ZNF212: variants seen among roughly 807,000 people sequenced by gnomAD.
ZNF212 encodes the protein Zinc finger protein C2H2-150.
In ZNF212, 32 loss-of-function variants were observed where a neutral mutation model predicts 47.3. The ratio of observed to expected loss-of-function variants is 0.68; its 90% CI spans 0.51 to 0.91. The LOEUF (loss-of-function observed/expected upper bound fraction) is 0.91, where lower values mean the gene tolerates loss of function less well. Ranked by LOEUF, ZNF212 falls within the 40% of genes least tolerant of loss-of-function variation. The pLI is 0.00. For missense variants in ZNF212, 555 were observed against 622.8 expected, an observed-to-expected ratio of 0.89 and a Z score of 1.16; for synonymous variants, 242 against 253.8, an observed-to-expected ratio of 0.95 and a Z score of 0.44.
intron 1 of ZNF212, among the ~76,000 whole-genome samples, chr7:149,246,796 C>A (rs1023158607): frequency 3.3e-5 from 5 of 149,376 alleles, no homozygotes; most frequent in Non-Finnish European, 7.4e-5. Context: ...ACAAATGTAG[C>A]CTTTTGTGTC....
Position 149,239,886 on chromosome 7 carries a change from C to A in ZNF212, c.24+84C>A, listed in dbSNP as rs1304678688. 6 of 1,251,978 alleles carry A rather than the reference C, an allele frequency of 4.8e-6. No individual in the cohort carries two copies. In the Middle Eastern group the frequency reaches 6.2e-4, roughly 130 times the overall value. The allele number at this position is 1,251,978 out of a possible 1,614,324, so 77.6% of individuals were successfully genotyped here. A position where few individuals can be genotyped will look rare whatever the true frequency, so the allele number is the denominator to read the frequency against. ...CGGGGGCGGGGCTTCGCGGTTTGGA[C>A]GCCGCCGGGGTCTTGGTTTCCCGGG... On this transcript the variant is annotated intron_variant, in intron 1 of 4. Transcript: ENST00000335870.
intron 1 of ZNF212, chr7:149,240,084 C>T (rs1172616159): frequency 5.2e-6 from 2 of 384,342 alleles, no homozygotes; most frequent in Non-Finnish European, 9.2e-6. Context: ...CCTGCCCACA[C>T]ATTTTCTCTT....
chr7:149,244,026 C>G (rs1232596499), intron 1 of ZNF212, among the ~76,000 whole-genome samples: 1 of 152,186 alleles, frequency 6.6e-6, no homozygotes, highest in Non-Finnish European at 1.5e-5. Context: ...ACCTCTGCCT[C>G]CCAGTTTCAA....
intron 3 of ZNF212, among the ~76,000 whole-genome samples, chr7:149,252,157 T>C (rs769137787): frequency 1.6e-4 from 25 of 152,174 alleles, no homozygotes; most frequent in Non-Finnish European, 2.6e-4. Context: ...ATAAATGTGT[T>C]TTGTTTGGTA....
intron 1 of ZNF212, among the ~76,000 whole-genome samples, chr7:149,242,918 A>G (rs1796614299): frequency 6.6e-6 from 1 of 152,228 alleles, no homozygotes. Flanking sequence ...ATAATGGAAT[A>G]AGAAAAAATT....
At chr7:149,240,561 T>A (rs1386634797) in intron 1 of ZNF212, among the ~76,000 whole-genome samples, 1 of 152,210 alleles carries the variant, frequency 6.6e-6, no homozygotes, top group Non-Finnish European at 1.5e-5. Flanking sequence ...TTCTTAACTG[T>A]AAATCGAGAG....
chr7:149,252,704 A>C lies in ZNF212; in HGVS notation c.542-2A>C, dbSNP rs752014551. On this transcript the variant is annotated splice_acceptor_variant, in intron 3 of 4. Coordinates refer to ENST00000335870, the MANE Select transcript of ZNF212 (RefSeq NM_012256.4). LOFTEE classifies it high-confidence loss of function. ...GCTCACACTGTGCTGTTTCCCACCC[A>C]GAGGTCCTTGGCCAGACAGAGGGAG... 1 of 1,614,042 alleles carries C rather than the reference A, an allele frequency of 6.2e-7. No individual in the cohort carries two copies. The highest frequency in any genetic ancestry group is 8.5e-7 in the Non-Finnish European group (1 of 1,179,994).
rs773874417 is a variant in ZNF212, at chr7:149,250,704, T to C, written c.438T>C (p.Asp146=). The C allele has an allele frequency of 8.7e-6, 14 of 1,614,122 alleles. No homozygotes were observed. Among genetic ancestry groups the C allele is most frequent in the Non-Finnish European group, 1.2e-5 (14 of 1,180,054 alleles). The change falls in exon 3 of 5, where the codon GAT becomes GAC. Residue 146 remains aspartate (D), a synonymous_variant. Coordinates refer to ENST00000335870, the MANE Select transcript of ZNF212 (RefSeq NM_012256.4). ...APKVSRSLEN[D]GVCFTEQEWE... is the part of the protein sequence containing the mutation. The stretch of plus-strand genomic sequence containing the variant: ...AGGTGTCCAGGTCACTGGAGAATGA[T>C]GGCGTCTGTTTCACCGAGCAGGAAT...
In ZNF212 at chr7:149,254,538, C is replaced by T; in HGVS notation, c.*123C>T. The T allele has an allele frequency of 7.2e-7, 1 of 1,388,336 alleles. No individual in the cohort carries two copies. Among genetic ancestry groups the T allele is most frequent in the East Asian group, 2.5e-5 (1 of 40,176 alleles). The allele number at this position is 1,388,336 out of a possible 1,614,324, so 86.0% of individuals were successfully genotyped here. On this transcript the variant is annotated 3_prime_UTR_variant, in exon 5 of 5. Transcript: ENST00000335870. This position sits in a 1 kb window ranked among gnomAD's most constrained non-coding sequence, Gnocchi z 4.5. ...TTGTTTGTGATTGCCTTCCCTTGTCCCAGTACCAAGCCAAGCCCAAAGGCT... is the reference window on the plus strand; with the variant it reads ...TTGTTTGTGATTGCCTTCCCTTGTCTCAGTACCAAGCCAAGCCCAAAGGCT...
intron 1 of ZNF212, among the ~76,000 whole-genome samples, chr7:149,248,694 C>T (rs1796711113): frequency 6.6e-6 from 1 of 152,186 alleles, no homozygotes; most frequent in South Asian, 2.1e-4. Context: ...AAAGTAGAAG[C>T]AAAACAAACA....
chr7:149,244,977 G>A lies in ZNF212; in HGVS notation c.24+5175G>A, dbSNP rs1009219526. Among the ~76,000 whole-genome samples the A allele has an allele frequency of 4.6e-5, 7 of 152,274 alleles. 1 individual carries two copies. The highest frequency in any genetic ancestry group is 4.6e-4 in the Admixed American group (7 of 15,290). ...GATGTCTTAAGCCACTAAATTTGGG[G>A]ATTATTTGTCATACAGGAGTTGATG... On this transcript the variant is annotated intron_variant, in intron 1 of 4. Transcript: ENST00000335870.
At chr7:149,246,937 C>T (rs1414921146) in intron 1 of ZNF212, among the ~76,000 whole-genome samples, 12 of 151,012 alleles carry the variant, frequency 7.9e-5, no homozygotes, top group African/African-American at 1.2e-4. Flanking sequence ...CTCAGCCTCC[C>T]GAGTAGCTGG....
intron 3 of ZNF212, chr7:149,251,391 G>A (rs1237370649): frequency 6.4e-6 from 1 of 155,720 alleles, no homozygotes; most frequent in African/African-American, 2.4e-5. Flanking sequence ...CACCATGTTG[G>A]CCAAGCTGGT....
rs529947203 is a variant in ZNF212 at position 149,252,619 on chromosome 7, A to G, written c.542-87A>G. The G allele has an allele frequency of 8.5e-5, 100 of 1,175,748 alleles. 2 individuals carry two copies. Among genetic ancestry groups the G allele is most frequent in the South Asian group, 4.3e-4 (34 of 78,254 alleles). 72.8% of individuals were successfully genotyped at this position (1,175,748 alleles called of 1,614,324 possible). On this transcript the variant is annotated intron_variant, in intron 3 of 4. Transcript: ENST00000335870. ...TTTGAATCTATATTTCCTCCCTGCC[A>G]TTGGTCATCTTGGTCACTGGCAGCT... is the stretch of plus-strand genomic sequence containing the variant.
rs768693978 is a variant in ZNF212, at chr7:149,250,386, G to A, written c.252G>A (p.Val84=). The change falls in exon 2 of 5, where the codon GTG becomes GTA. Residue 84 remains valine (V), a synonymous_variant. Transcript: ENST00000335870. ...TGGCTGACTGCGAGAAGATGGCCGT[G>A]GAGTTCGGGAACCAGCTGGAGGGCA... ...KKLADCEKMA[V]EFGNQLEGKW... 6.2e-7 allele frequency: 1 copy of A among 1,614,176 alleles called. No individual in the cohort carries two copies. Among genetic ancestry groups the A allele is most frequent in the Non-Finnish European group, 8.5e-7 (1 of 1,180,028 alleles).
chr7:149,250,081 A>G (rs1022779554), intron 1 of ZNF212, 78 bp from the exon 2 acceptor site: 9 of 1,359,412 alleles, frequency 6.6e-6, no homozygotes, highest in Non-Finnish European at 8.6e-6. Flanking sequence ...GATAACTCTG[A>G]GCACTGATAC....
intron 1 of ZNF212, among the ~76,000 whole-genome samples, chr7:149,247,108 G>A (rs1312482382): frequency 1.3e-5 from 2 of 151,026 alleles, no homozygotes; most frequent in Admixed American, 6.6e-5. Flanking sequence ...CACCATGCCC[G>A]GCCCTTCTTT....
rs371358218 is a variant in ZNF212 at position 149,239,778 on chromosome 7, C to T, written c.-1C>T. 7.2e-4 allele frequency: 921 copies of T among 1,276,558 alleles called. 4 individuals carry two copies. The African/African-American group carries it at 0.012, about 17-fold the overall frequency. The allele number at this position is 1,276,558 out of a possible 1,614,324, so 79.1% of individuals were successfully genotyped here. A position where few individuals can be genotyped will look rare whatever the true frequency, so the allele number is the denominator to read the frequency against. ...CTGGGTGTTGAGGGGCGACTGGAGC[C>T]ATGGCGGAGTCGGCGCCTGCTCGGG... On this transcript the variant is annotated 5_prime_UTR_variant, in exon 1 of 5. Coordinates refer to ENST00000335870, the MANE Select transcript of ZNF212 (RefSeq NM_012256.4).
chr7:149,250,800 C>G lies in ZNF212; in HGVS notation c.534C>G (p.Val178=), dbSNP rs778351640. 6.2e-7 allele frequency: 1 copy of G among 1,614,182 alleles called. No homozygotes were observed. Among genetic ancestry groups the G allele is most frequent in the Non-Finnish European group, 8.5e-7 (1 of 1,180,040 alleles). ...NVMESNYETL[V]SLKVLGQTEG... ...TGGAGAGTAACTATGAGACACTGGT[C>G]TCTCTGAGTGAGTAGCAGTTTTCTC... Residue 178 remains valine, a synonymous_variant, in exon 3 of 5, where the codon GTC becomes GTG. Coordinates refer to ENST00000335870, the MANE Select transcript of ZNF212 (RefSeq NM_012256.4).
Sources: allele counts gnomAD v4.1 joint callset (sites outside exome capture counted in the v4.1 genomes callset), GRCh38; gene constraint gnomAD v4.1.1; non-coding constraint Gnocchi (gnomAD v3.1); transcripts MANE v1.5; gene names NCBI Gene and HGNC (gene_info 2026-07-23, HGNC 2026-07-21).